FBLN1: variants seen among roughly 807,000 people sequenced by gnomAD.
FBLN1 encodes the protein fibulin 1, also known as fibulin-1.
A neutral mutation model predicts 89.7 loss-of-function variants in FBLN1; 34 were observed. The ratio of observed to expected loss-of-function variants is 0.38; its 90% CI spans 0.29 to 0.50. FBLN1 has a LOEUF of 0.50. Among genes scored for constraint, FBLN1 ranks in the 20% least tolerant of loss-of-function variants. FBLN1 has a pLI of 0.92. For synonymous variants in FBLN1, 393 were observed against 391.3 expected, an observed-to-expected ratio of 1.00 and a Z score of -0.05; for missense variants, 777 against 988.1, an observed-to-expected ratio of 0.79 and a Z score of 2.86.
intron 4 of FBLN1, among the ~76,000 whole-genome samples, chr22:45,529,268 C>T (rs2088371719): frequency 6.6e-6 from 1 of 152,338 alleles, no homozygotes; most frequent in East Asian, 1.9e-4. Context: ...GCTGGCTATG[C>T]TCTGTCAAAT....
At position 45,580,018 on chromosome 22, in the gene FBLN1, C is replaced by A. The variant is rs1367942823; in HGVS notation, c.1972+2910C>A. Among the ~76,000 whole-genome samples, 5 of 152,114 alleles carry A rather than the reference C, an allele frequency of 3.3e-5. No individual in the cohort carries two copies. The highest frequency in any genetic ancestry group is 3.3e-4 in the Admixed American group (5 of 15,258). ...TCCTTACCGTTGCTGGGCACCTTCA[C>A]CCCCGCATTCCCCAGTCCTCACAGA... On this transcript the variant is annotated intron_variant, in intron 16 of 16. Transcript: ENST00000327858. This position sits in a 1 kb window ranked among gnomAD's most constrained non-coding sequence, Gnocchi z 8.6.
intron 11 of FBLN1, 76 bp from the exon 12 acceptor site, chr22:45,547,009 T>A: frequency 6.2e-7 from 1 of 1,608,298 alleles, no homozygotes; most frequent in South Asian, 1.1e-5. Context: ...AGATTTTCTG[T>A]TCACTGACCC....
Position 45,575,392 on chromosome 22 carries a change from G to A in FBLN1, c.1840+739G>A, listed in dbSNP as rs1402113756. Among the ~76,000 whole-genome samples the A allele has an allele frequency of 6.6e-6, 1 of 152,074 alleles. No individual in the cohort carries two copies. The highest frequency in any genetic ancestry group is 1.5e-5 in the Non-Finnish European group (1 of 68,022). On this transcript the variant is annotated intron_variant, in intron 15 of 16. Transcript: ENST00000327858. This position sits in a 1 kb window ranked among gnomAD's most constrained non-coding sequence, Gnocchi z 6.3. ...CTGGAGGTATGGGGGGGCGGTGTGG[G>A]CGTTTGAGAAACTGAGCCAAGGTTT...
chr22:45,524,038 C>G (rs780497122), intron 2 of FBLN1, among the ~76,000 whole-genome samples: 3 of 152,226 alleles, frequency 2.0e-5, no homozygotes, highest in Non-Finnish European at 2.9e-5. Context: ...ATTTGCAAAT[C>G]CACCGAAAGC....
At chr22:45,547,028 A>G (rs1296987255) in intron 11 of FBLN1, 57 bp from the exon 12 acceptor site, 1 of 1,612,238 alleles carries the variant, frequency 6.2e-7, no homozygotes, top group African/African-American at 1.3e-5. Flanking sequence ...CCTGAGGGCT[A>G]CTGTGGAGGC....
chr22:45,520,629 A>G (rs1452170591), intron 2 of FBLN1, among the ~76,000 whole-genome samples: 1 of 152,184 alleles, frequency 6.6e-6, no homozygotes, highest in Non-Finnish European at 1.5e-5. Context: ...AGCCACTACT[A>G]TTAATACTTA....
At chr22:45,591,771 T>A (rs943177894) in intron 16 of FBLN1, among the ~76,000 whole-genome samples, 13 of 151,888 alleles carry the variant, frequency 8.6e-5, no homozygotes, top group African/African-American at 3.1e-4. Context: ...GGCAGTACAG[T>A]CGGGAAGTGT....
At chr22:45,571,335 C>T (rs1438872463) in intron 14 of FBLN1, among the ~76,000 whole-genome samples, 2 of 152,088 alleles carry the variant, frequency 1.3e-5, no homozygotes, top group African/African-American at 4.8e-5. Context: ...CTTTCATGTG[C>T]AAAAAGCATA....
chr22:45,510,367 G>C (rs1024327433), intron 1 of FBLN1, among the ~76,000 whole-genome samples: 20 of 152,116 alleles, frequency 1.3e-4, no homozygotes, highest in Non-Finnish European at 2.9e-4. Context: ...GGTGGGATTG[G>C]GGAAGCCTGC....
rs2089031801 is a variant in FBLN1 at position 45,580,284 on chromosome 22, CT to C, written c.1972+3177del. ...TGGGGAGCGTGGGAGGCTCTTGAGC[CT>C]CCTGGGCAGCCCCGTGCAGCTCTGT... On this transcript the variant is annotated intron_variant, in intron 16 of 16. Transcript: ENST00000327858. The surrounding 1 kb of genome is among the most constrained non-coding windows in gnomAD (Gnocchi z 8.6). Among the ~76,000 whole-genome samples the C allele has an allele frequency of 6.6e-6, 1 of 152,132 alleles. No individual in the cohort carries two copies. The highest frequency in any genetic ancestry group is 1.5e-5 in the Non-Finnish European group (1 of 68,034).
At chr22:45,573,494 TA>T (rs2088967262) in intron 14 of FBLN1, among the ~76,000 whole-genome samples, 2 of 150,498 alleles carry the variant, frequency 1.3e-5, no homozygotes, top group South Asian at 4.2e-4. Flanking sequence ...ACCAACATGG[TA>T]AAACCCTGTC....
Position 45,590,554 on chromosome 22 carries a change from C to G in FBLN1, c.1973-9753C>G, listed in dbSNP as rs2089127303. Among the ~76,000 whole-genome samples the G allele has an allele frequency of 6.6e-6, 1 of 152,152 alleles. No individual in the cohort carries two copies. ...CAGTGGGCCCCCACGGTTGGATTTA[C>G]CTCCTGGCTCTGAGCACAGTGGGAA... On this transcript the variant is annotated intron_variant, in intron 16 of 16. Coordinates refer to ENST00000327858, the MANE Select transcript of FBLN1 (RefSeq NM_006486.3). This position sits in a 1 kb window ranked among gnomAD's most constrained non-coding sequence, Gnocchi z 4.1.
In FBLN1 at chr22:45,518,686, C is replaced by A; in HGVS notation, c.84C>A (p.Asp28Glu). The A allele has an allele frequency of 6.2e-7, 1 of 1,601,528 alleles. No homozygotes were observed. The highest frequency in any genetic ancestry group is 1.3e-5 in the African/African-American group (1 of 74,786). Residue 28 changes from aspartate to glutamate, a missense_variant, in exon 2 of 17, where the codon GAC becomes GAA. Physicochemically the swap from Asp to Glu is conservative, Grantham distance 45 (BLOSUM62 2). Coordinates refer to ENST00000327858, the MANE Select transcript of FBLN1 (RefSeq NM_006486.3). ...CTTGTTCTCTTCCCTGCACAGTGGA[C>A]GCGGATGTCCTCCTGGAGGCCTGCT... ...GGLALLAAGVDADVLLEACCA... is the reference protein window; with the variant it reads ...GGLALLAAGVEADVLLEACCA...
chr22:45,522,223 G>A (rs1174264935), intron 2 of FBLN1, among the ~76,000 whole-genome samples: 1 of 152,196 alleles, frequency 6.6e-6, no homozygotes, highest in African/African-American at 2.4e-5. Flanking sequence ...CTGGCTTCAA[G>A]TGATTGGACG....
intron 16 of FBLN1, among the ~76,000 whole-genome samples, chr22:45,596,063 G>C (rs1048771320): frequency 3.3e-5 from 5 of 152,136 alleles, no homozygotes; most frequent in Non-Finnish European, 7.3e-5. Flanking sequence ...TAGAGACGGG[G>C]TTTCACCGTG....
Position 45,548,604 on chromosome 22 carries a change from C to T in FBLN1, c.1442-9C>T, listed in dbSNP as rs766451984. On this transcript the variant is annotated splice_polypyrimidine_tract_variant and intron_variant, in intron 12 of 16. Transcript: ENST00000327858. ...GACACTGAGGCTGAGGTGGGCTTTG[C>T]CGTTGCAGACATCGACGAGTGCGCC... 2.5e-6 allele frequency: 4 copies of T among 1,613,306 alleles called. No homozygotes were observed. The highest frequency in any genetic ancestry group is 3.4e-6 in the Non-Finnish European group (4 of 1,179,966).
In FBLN1 at chr22:45,578,558, T is replaced by C. The variant is rs1238317704; in HGVS notation, c.1972+1450T>C. 3 of 152,104 alleles carry C rather than the reference T, an allele frequency of 2.0e-5. No homozygotes were observed. Among genetic ancestry groups the C allele is most frequent in the Non-Finnish European group, 4.4e-5 (3 of 68,050 alleles). 9.4% of individuals were successfully genotyped at this position (152,104 alleles called of 1,614,324 possible). On this transcript the variant is annotated intron_variant, in intron 16 of 16. Coordinates refer to ENST00000327858, the MANE Select transcript of FBLN1 (RefSeq NM_006486.3). The surrounding 1 kb of genome is among the most constrained non-coding windows in gnomAD (Gnocchi z 4.6). Reference sequence around the variant, plus strand: ...TTTCCCCCATTGTGAAATGAGAGTTTAGATGAAGACAGCCTTGAGGGTCCT... The same window carrying C: ...TTTCCCCCATTGTGAAATGAGAGTTCAGATGAAGACAGCCTTGAGGGTCCT...
chr22:45,535,031 C>T (rs951607752), intron 7 of FBLN1, among the ~76,000 whole-genome samples, 169 bp from the exon 8 acceptor site: 3 of 152,202 alleles, frequency 2.0e-5, no homozygotes, highest in East Asian at 1.9e-4. Context: ...AACTGGAGCA[C>T]GATTTGGCTC....
rs1026684962 is a variant in FBLN1 at position 45,576,890 on chromosome 22, C to T, written c.1841-87C>T. The T allele has an allele frequency of 4.6e-6, 7 of 1,538,308 alleles. No individual in the cohort carries two copies. The African/African-American group carries it at 9.5e-5, about 21-fold the overall frequency. On this transcript the variant is annotated intron_variant, in intron 15 of 16. Transcript: ENST00000327858. This position sits in a 1 kb window ranked among gnomAD's most constrained non-coding sequence, Gnocchi z 5.2. ...AAGGGCCCTGGGTTAGGTCTTCATT[C>T]CCCAAGGGTGAGTTCCTGGGGACGA...
Sources: allele counts gnomAD v4.1 joint callset (sites outside exome capture counted in the v4.1 genomes callset), GRCh38; gene constraint gnomAD v4.1.1; non-coding constraint Gnocchi (gnomAD v3.1); transcripts MANE v1.5; gene names NCBI Gene and HGNC (gene_info 2026-07-23, HGNC 2026-07-21).